Variants in DMD observed in about 807,000 individuals in gnomAD.
The protein encoded by DMD is mutant dystrophin.
In DMD, 63 loss-of-function variants were observed where a neutral mutation model predicts 330.1. The ratio of observed to expected loss-of-function variants is 0.19; its 90% CI spans 0.16 to 0.24. The LOEUF (loss-of-function observed/expected upper bound fraction) is 0.24. DMD is among the 10% of genes least tolerant of loss of function. The pLI is 1.00. For synonymous variants in DMD, 1,223 were observed against 959.8 expected (o/e 1.27, Z -5.07); for missense variants, 3,344 against 2,684.1 (o/e 1.25, Z -5.43).
chrX:32,792,093 T>C (rs1169442398), intron 7 of DMD, among the ~76,000 whole-genome samples: 1 of 111,570 alleles, frequency 9.0e-6, no homozygotes, highest in Admixed American at 9.6e-5. Context: ...ATATTAAACT[T>C]GCTGAAAGAA....
intron 62 of DMD, among the ~76,000 whole-genome samples, chrX:31,265,002 A>C (rs2050891901): frequency 8.9e-6 from 1 of 112,908 alleles, no homozygotes; most frequent in Non-Finnish European, 1.9e-5. Flanking sequence ...CAGTTGCCTA[A>C]TTAAAATAAG....
intron 1 of DMD, among the ~76,000 whole-genome samples, chrX:33,024,169 T>C (rs1408152221): frequency 1.8e-5 from 2 of 111,870 alleles, no homozygotes; most frequent in East Asian, 2.8e-4. Flanking sequence ...ACATAGTCTA[T>C]AGTAAAACAT....
intron 25 of DMD, among the ~76,000 whole-genome samples, chrX:32,456,618 ATGTGTGTGTGTG>A (rs776009074): frequency 1.4e-5 from 1 of 69,384 alleles, no homozygotes; most frequent in Admixed American, 1.6e-4. Context: ...GTGTGTGTGT[ATGTGTGTGTGTG>A]TGTGCACGTG....
chrX:31,156,596 T>C (rs1001466205), intron 74 of DMD, among the ~76,000 whole-genome samples: 1 of 111,895 alleles, frequency 8.9e-6, no homozygotes, highest in African/African-American at 3.2e-5. Context: ...AATTCAGTTA[T>C]GAGGATTATT....
At chrX:31,293,218 T>TGTGTGTGTGTGTGTGTAGTCTGGTTTA (rs2053894054) in intron 62 of DMD, among the ~76,000 whole-genome samples, 2 of 95,908 alleles carry the variant, frequency 2.1e-5, no homozygotes, top group African/African-American at 8.8e-5. Context: ...TGTGTGTGTG[T>TGTGTGTGTGTGTGTGTAGTCTGGTTTA]GTGTGTGTGT....
chrX:31,158,169 T>C (rs1179464277), intron 74 of DMD, among the ~76,000 whole-genome samples: 1 of 111,409 alleles, frequency 9.0e-6, no homozygotes, highest in African/African-American at 3.3e-5. Flanking sequence ...GCATTATCCA[T>C]AACAGACAAT....
chrX:33,064,454 T>C (rs1467306331), intron 1 of DMD, among the ~76,000 whole-genome samples: 1 of 112,262 alleles, frequency 8.9e-6, no homozygotes, highest in African/African-American at 3.2e-5. Context: ...TAGTGATATG[T>C]AATTAGAGTC....
chrX:33,286,472 G>A (rs2053434308), intron 1 of DMD, among the ~76,000 whole-genome samples: 1 of 111,824 alleles, frequency 8.9e-6, no homozygotes, highest in Non-Finnish European at 1.9e-5. Flanking sequence ...AAAAGAAAAT[G>A]ATTCAAATAC....
intron 21 of DMD, among the ~76,000 whole-genome samples, chrX:32,477,747 T>C (rs1337174161): frequency 9.1e-6 from 1 of 110,348 alleles, no homozygotes; most frequent in Non-Finnish European, 1.9e-5. Context: ...AAATCTCTCC[T>C]CTTGAAAAAT....
Position 33,184,559 on chromosome X carries a change from A to T in DMD, c.31+26723T>A, listed in dbSNP as rs369285860. On this transcript the variant is annotated intron_variant, in intron 1 of 78. Coordinates refer to ENST00000357033, the MANE Select transcript of DMD (RefSeq NM_004006.3). The stretch of plus-strand genomic sequence containing the variant: ...ATAATTATCTTGAAAATGCATTTTA[A>T]CATGTTCCTATAAATATAATTCCAT... 2.3e-4 allele frequency among the ~76,000 whole-genome samples: 25 copies of T among 111,069 alleles called. 1 individual carries two copies. The East Asian group carries it at 2.5e-3, about 11-fold the overall frequency.
chrX:32,009,153 G>T (rs926512709), intron 44 of DMD, among the ~76,000 whole-genome samples: 3 of 111,576 alleles, frequency 2.7e-5, no homozygotes, highest in Admixed American at 9.6e-5. Flanking sequence ...CAAGAGGAAG[G>T]AAGAGATATC....
At chrX:32,046,394 T>C (rs1479226980) in intron 44 of DMD, among the ~76,000 whole-genome samples, 1 of 112,725 alleles carries the variant, frequency 8.9e-6, no homozygotes, top group Non-Finnish European at 1.9e-5. Context: ...GAGAGTTCTA[T>C]TTTGTTTTGT....
chrX:31,551,485 C>T (rs1209638677), intron 55 of DMD, among the ~76,000 whole-genome samples: 1 of 111,457 alleles, frequency 9.0e-6, no homozygotes, highest in South Asian at 3.8e-4. Flanking sequence ...TCAATATGTG[C>T]CCACAAAACA....
rs1025910017 is a variant in DMD, at chrX:31,603,363, C to A, written c.8217+24310G>T. On this transcript the variant is annotated intron_variant, in intron 55 of 78. Transcript: ENST00000357033. Reference sequence around the variant, plus strand: ...ATCAATACAATCCAGTAAAGTTCTACTAAATGTATGTCTATCAAGCAAAAG... The same window carrying A: ...ATCAATACAATCCAGTAAAGTTCTAATAAATGTATGTCTATCAAGCAAAAG... Among the ~76,000 whole-genome samples the A allele has an allele frequency of 5.4e-5, 6 of 111,259 alleles. No homozygotes were observed. In the East Asian group the frequency reaches 1.7e-3, roughly 32 times the overall value.
intron 7 of DMD, among the ~76,000 whole-genome samples, chrX:32,749,507 C>A (rs1170201287): frequency 8.9e-6 from 1 of 112,156 alleles, no homozygotes; most frequent in Admixed American, 9.5e-5. Context: ...GGTTATTAAA[C>A]AGTTTATAAA....
intron 1 of DMD, among the ~76,000 whole-genome samples, chrX:33,084,841 G>A (rs1283601102): frequency 8.9e-5 from 10 of 111,952 alleles, no homozygotes; most frequent in African/African-American, 3.2e-4. Context: ...CTATAAATTA[G>A]TGGAGGTTAG....
intron 7 of DMD, among the ~76,000 whole-genome samples, chrX:32,753,955 C>T (rs2071154669): frequency 9.1e-6 from 1 of 110,413 alleles, no homozygotes; most frequent in South Asian, 3.9e-4. Context: ...GGGTTTTGAC[C>T]CCGTGATTTA....
chrX:33,009,487 T>A (rs1238920245), intron 2 of DMD, among the ~76,000 whole-genome samples: 1 of 87,626 alleles, frequency 1.1e-5, no homozygotes, highest in African/African-American at 4.3e-5. Context: ...TGTATACACA[T>A]GTGTGTATAT....
intron 47 of DMD, among the ~76,000 whole-genome samples, chrX:31,919,429 A>G (rs954601802): frequency 3.6e-5 from 4 of 112,439 alleles, no homozygotes; most frequent in Non-Finnish European, 5.6e-5. Context: ...AGGTATAAGC[A>G]TCAGTCATCA....
Sources: allele counts gnomAD v4.1 joint callset (sites outside exome capture counted in the v4.1 genomes callset), GRCh38; gene constraint gnomAD v4.1.1; transcripts MANE v1.5; gene names NCBI Gene and HGNC (gene_info 2026-07-23, HGNC 2026-07-21).